FKBP1A: variants seen among roughly 807,000 people sequenced by gnomAD.
FKBP1A encodes the protein peptidyl-prolyl cis-trans isomerase FKBP1A.
In FKBP1A, 5 loss-of-function variants were observed where a neutral mutation model predicts 14.2. That is an observed-to-expected ratio of 0.35 (90% CI 0.18 to 0.74). FKBP1A has a LOEUF of 0.74. Among genes scored for constraint, FKBP1A ranks in the 30% least tolerant of loss-of-function variants. The probability of loss-of-function intolerance (pLI) is 0.56; values close to 1 mark genes in which losing one functional copy is unlikely to be tolerated. For synonymous variants in FKBP1A, 42 were observed against 49.1 expected (o/e 0.86, Z 0.60); for missense variants, 53 against 138.8 (o/e 0.38, Z 3.10).
chr20:1,371,040 C>T (rs2089456769), intron 4 of FKBP1A: 2 of 985,240 alleles, frequency 2.0e-6, no homozygotes, highest in South Asian at 9.4e-5. Flanking sequence ...ACAACAGGAC[C>T]AGGTTACAAG....
intron 2 of FKBP1A, among the ~76,000 whole-genome samples, chr20:1,391,964 AAGG>A (rs893852565): frequency 1.3e-5 from 2 of 152,154 alleles, no homozygotes; most frequent in African/African-American, 2.4e-5. Flanking sequence ...ACAAGCTTGT[AAGG>A]AGAAGGAGTA....
intron 2 of FKBP1A, among the ~76,000 whole-genome samples, chr20:1,383,388 A>G (rs917687931): frequency 2.6e-5 from 4 of 152,122 alleles, no homozygotes; most frequent in Non-Finnish European, 4.4e-5. Context: ...AAAATCAAAC[A>G]TAACAAAAAA....
rs951065927 is a variant in FKBP1A, at chr20:1,390,052, T to G, written c.85+2782A>C. On this transcript the variant is annotated intron_variant, in intron 2 of 4. Transcript: ENST00000400137. ...TCACGGAAGTCACCAGAGGGACCCT[T>G]GAGAGTGACATCAAGGTGACTGACA... 1.4e-4 allele frequency among the ~76,000 whole-genome samples: 21 copies of G among 152,224 alleles called. 1 individual carries two copies. Among genetic ancestry groups the G allele is most frequent in the Admixed American group, 1.1e-3 (17 of 15,298 alleles).
rs1163421745 is a variant in FKBP1A, at chr20:1,369,437, G to A, written c.*672C>T. 4 of 144,302 alleles carry A rather than the reference G, an allele frequency of 2.8e-5. No individual in the cohort carries two copies. The highest frequency in any genetic ancestry group is 6.2e-5 in the Non-Finnish European group (4 of 64,572). The allele number at this position is 144,302 out of a possible 1,614,324, so 8.9% of individuals were successfully genotyped here. A position where few individuals can be genotyped will look rare whatever the true frequency, so the allele number is the denominator to read the frequency against. On this transcript the variant is annotated 3_prime_UTR_variant, in exon 5 of 5. Transcript: ENST00000400137. ...AGAGGTCCCTGCTGGCCCAGGGACA[G>A]ATACCTGTAGTGTCCAGCATTGCAG... is the stretch of plus-strand genomic sequence containing the variant.
intron 3 of FKBP1A, 113 bp downstream of exon 3, chr20:1,375,378 T>C: frequency 1.4e-6 from 1 of 712,592 alleles, no homozygotes. Flanking sequence ...TGGGATGGCA[T>C]GAGGGTGAGA....
At chr20:1,381,893 T>C (rs1162038807) in intron 2 of FKBP1A, among the ~76,000 whole-genome samples, 1 of 152,128 alleles carries the variant, frequency 6.6e-6, no homozygotes, top group African/African-American at 2.4e-5. Context: ...CAAAAAAGCA[T>C]ATCAGTAGTT....
chr20:1,389,737 T>C (rs1187462521), intron 2 of FKBP1A, among the ~76,000 whole-genome samples: 1 of 152,210 alleles, frequency 6.6e-6, no homozygotes, highest in Non-Finnish European at 1.5e-5. Context: ...GCACACGGCC[T>C]GCTGAAGTAA....
rs757112437 is a variant in FKBP1A at position 1,379,658 on chromosome 20, C to T, written c.86-4055G>A. The stretch of plus-strand genomic sequence containing the variant: ...CACAGTCACCAACTGTCAATCTCAT[C>T]TACTTTCTAAGGAGAAATCTTCGCA... On this transcript the variant is annotated intron_variant, in intron 2 of 4. Coordinates refer to ENST00000400137, the MANE Select transcript of FKBP1A (RefSeq NM_000801.5). This position sits in a 1 kb window ranked among gnomAD's most constrained non-coding sequence, Gnocchi z 4.3. 6.6e-6 allele frequency among the ~76,000 whole-genome samples: 1 copy of T among 152,220 alleles called. No homozygotes were observed. Among genetic ancestry groups the T allele is most frequent in the Non-Finnish European group, 1.5e-5 (1 of 68,044 alleles).
chr20:1,386,284 A>G lies in FKBP1A; in HGVS notation c.85+6550T>C, dbSNP rs1338354027. Among the ~76,000 whole-genome samples, 1 of 151,880 alleles carries G rather than the reference A, an allele frequency of 6.6e-6. No homozygotes were observed. Among genetic ancestry groups the G allele is most frequent in the Non-Finnish European group, 1.5e-5 (1 of 67,998 alleles). On this transcript the variant is annotated intron_variant, in intron 2 of 4. Coordinates refer to ENST00000400137, the MANE Select transcript of FKBP1A (RefSeq NM_000801.5). The surrounding 1 kb of genome is among the most constrained non-coding windows in gnomAD (Gnocchi z 4.7). ...TGAGGTACTTTCATTGTAACTGACC[A>G]CTCCCTACAGGGTAAGCTTCTTGAG...
At chr20:1,370,493 A>G (rs940833643) in intron 4 of FKBP1A, 9 of 978,220 alleles carry the variant, frequency 9.2e-6, no homozygotes, top group Admixed American at 6.2e-5. Context: ...GGGCATCAGG[A>G]AAGTCTTAAA....
At chr20:1,371,869 C>A (rs1282762747) in intron 4 of FKBP1A, 4 of 1,286,844 alleles carry the variant, frequency 3.1e-6, no homozygotes, top group Admixed American at 4.0e-5. Flanking sequence ...TGGGAACATA[C>A]ACATGCCAAT....
chr20:1,375,962 C>T (rs1404427752), intron 2 of FKBP1A, among the ~76,000 whole-genome samples: 1 of 152,162 alleles, frequency 6.6e-6, no homozygotes, highest in Non-Finnish European at 1.5e-5. Flanking sequence ...TGTGGTCCCT[C>T]GAGGTGCACA....
chr20:1,383,365 C>G (rs2089636879), intron 2 of FKBP1A, among the ~76,000 whole-genome samples: 1 of 151,214 alleles, frequency 6.6e-6, no homozygotes, highest in Non-Finnish European at 1.5e-5. Context: ...AAAAAAATGA[C>G]TAAACTAAAC....
Position 1,370,022 on chromosome 20 carries a change from T to C in FKBP1A, c.*87A>G. 2 of 1,550,142 alleles carry C rather than the reference T, an allele frequency of 1.3e-6. No individual in the cohort carries two copies. Among genetic ancestry groups the C allele is most frequent in the Admixed American group, 2.0e-5 (1 of 50,982 alleles). On this transcript the variant is annotated 3_prime_UTR_variant, in exon 5 of 5. Coordinates refer to ENST00000400137, the MANE Select transcript of FKBP1A (RefSeq NM_000801.5). ...GAGTGGAACATCAGGAAAAGCTCCA[T>C]ATGGATTCATGTGCACATGTCTGGA...
chr20:1,374,060 AAGAG>A (rs1166831184), intron 3 of FKBP1A, among the ~76,000 whole-genome samples: 4 of 152,228 alleles, frequency 2.6e-5, no homozygotes, highest in African/African-American at 9.6e-5. Context: ...TATTCTGGAA[AAGAG>A]AGAGACAGAA....
intron 2 of FKBP1A, among the ~76,000 whole-genome samples, chr20:1,389,669 T>G (rs562516025): frequency 3.9e-5 from 6 of 152,292 alleles, no homozygotes; most frequent in African/African-American, 1.4e-4. Context: ...AGTTACTTTT[T>G]AAGAAGAAAA....
intron 4 of FKBP1A, chr20:1,371,289 G>A (rs1406988639): frequency 3.3e-5 from 28 of 854,908 alleles, no homozygotes; most frequent in Non-Finnish European, 3.8e-5. Context: ...AGAAATGAGG[G>A]TGGAAGAGGG....
At chr20:1,391,446 T>C (rs1232999257) in intron 2 of FKBP1A, among the ~76,000 whole-genome samples, 1 of 152,170 alleles carries the variant, frequency 6.6e-6, no homozygotes, top group Non-Finnish European at 1.5e-5. Flanking sequence ...TTCACGGACA[T>C]GAGACTGCCT....
chr20:1,377,518 A>T (rs774954561), intron 2 of FKBP1A: 2 of 152,220 alleles, frequency 1.3e-5, no homozygotes, highest in Non-Finnish European at 2.9e-5. Context: ...CCACCTGATG[A>T]AAGAAATGAC....
Sources: allele counts gnomAD v4.1 joint callset (sites outside exome capture counted in the v4.1 genomes callset), GRCh38; gene constraint gnomAD v4.1.1; non-coding constraint Gnocchi (gnomAD v3.1); transcripts MANE v1.5; gene names NCBI Gene and HGNC (gene_info 2026-07-23, HGNC 2026-07-21).